The following SYNE2 variants were observed in gnomAD, a reference collection of about 807,000 sequenced individuals.
SYNE2 encodes nesprin-2.
A neutral mutation model predicts 856.3 loss-of-function variants in SYNE2; 431 were observed. The observed-to-expected ratio is 0.50, with a 90% CI of 0.47 to 0.55. The LOEUF (loss-of-function observed/expected upper bound fraction) is 0.55, where lower values mean the gene tolerates loss of function less well. SYNE2 is among the 20% of genes least tolerant of loss of function. SYNE2 has a pLI of 0.00. For missense variants in SYNE2, 8,129 were observed against 8,023.2 expected (o/e 1.01, Z -0.50); for synonymous variants, 2,923 against 2,872.3 (o/e 1.02, Z -0.56).
chr14:63,820,970 C>T (rs991660608), intron 1 of SYNE2, among the ~76,000 whole-genome samples: 21 of 151,986 alleles, frequency 1.4e-4, no homozygotes, highest in African/African-American at 4.8e-5. Flanking sequence ...AGGCTGGTTT[C>T]GAATTTCTAA....
rs763597479 is a variant in SYNE2 at position 64,212,860 on chromosome 14, T to C, written c.18911T>C (p.Ile6304Thr). 12 of 1,614,136 alleles carry C rather than the reference T, an allele frequency of 7.4e-6. No homozygotes were observed. The highest frequency in any genetic ancestry group is 3.4e-6 in the Non-Finnish European group (4 of 1,180,018). ...AATACCAACAAGATTGATCAGCTCA[T>C]TGTGTTTGGGGAGCAGCTGATTCAG... ...TLNTNKIDQL[I>T]VFGEQLIQKS... is the part of the protein sequence containing the mutation. Residue 6304 changes from isoleucine (I) to threonine (T), a missense_variant, in exon 105 of 116, where the codon ATT becomes ACT. Physicochemically the swap from Ile to Thr is moderately conservative, Grantham distance 89. Around this residue, in one of 3 missense-constraint regions of SYNE2, gnomAD observed 5,410 missense variants for 5,284.8 expected, o/e 1.02. Coordinates refer to ENST00000555002, the MANE Select transcript of SYNE2 (RefSeq NM_182914.3).
chr14:63,982,540 A>G (rs2096594391), intron 16 of SYNE2, 90 bp from the exon 17 acceptor site: 7 of 1,339,404 alleles, frequency 5.2e-6, no homozygotes, highest in Middle Eastern at 2.1e-4. Context: ...AAAAAAAAGA[A>G]AAGAAAAAAG....
rs976935211 is a variant in SYNE2, at chr14:64,188,579, C to T, written c.17742C>T (p.Asp5914=). The change falls in exon 98 of 116, where the codon GAC becomes GAT. Residue 5914 remains aspartate, a synonymous_variant. Coordinates refer to ENST00000555002, the MANE Select transcript of SYNE2 (RefSeq NM_182914.3). ...RVAIRKQEIE[D]RLNTWVVFNE... is the part of the protein sequence containing the mutation. The stretch of plus-strand genomic sequence containing the variant: ...CCATACGTAAACAGGAGATTGAAGA[C>T]AGACTCAATACATGGGTTGTATTCA... 1.9e-6 allele frequency: 3 copies of T among 1,614,112 alleles called. No homozygotes were observed. The highest frequency in any genetic ancestry group is 2.5e-6 in the Non-Finnish European group (3 of 1,180,024).
chr14:63,934,422 C>G (rs1261651589), intron 2 of SYNE2, among the ~76,000 whole-genome samples: 3 of 152,048 alleles, frequency 2.0e-5, no homozygotes, highest in Non-Finnish European at 4.4e-5. Context: ...ATTATGTGCT[C>G]CATTTGAACA....
Position 64,097,957 on chromosome 14 carries a change from C to T in SYNE2, c.12117C>T (p.Ile4039=), listed in dbSNP as rs141484654. The change falls in exon 62 of 116, where the codon ATC becomes ATT. Residue 4039 remains isoleucine (I), a synonymous_variant. Coordinates refer to ENST00000555002, the MANE Select transcript of SYNE2 (RefSeq NM_182914.3). ...ACACTCTTTCTACACAGGGAGAAAT[C>T]GAACGTATGGAGAAACAGATTCTGA... ...ADKLPQLQGE[I]ERMEKQILSL... 59 of 1,614,062 alleles carry T rather than the reference C, an allele frequency of 3.7e-5. No individual in the cohort carries two copies. Among genetic ancestry groups the T allele is most frequent in the African/African-American group, 1.9e-4 (14 of 74,946 alleles).
chr14:63,908,839 A>G (rs1464751669), intron 1 of SYNE2, among the ~76,000 whole-genome samples: 1 of 152,234 alleles, frequency 6.6e-6, no homozygotes, highest in Non-Finnish European at 1.5e-5. Context: ...CACCACTGGT[A>G]TAGAATCCAC....
rs778531213 is a variant in SYNE2 at position 64,052,482 on chromosome 14, A to T, written c.8569A>T (p.Ile2857Leu). 1 of 1,613,810 alleles carries T rather than the reference A, an allele frequency of 6.2e-7. No individual in the cohort carries two copies. The highest frequency in any genetic ancestry group is 8.5e-7 in the Non-Finnish European group (1 of 1,179,804). Residue 2857 changes from isoleucine (I) to leucine (L), a missense_variant, in exon 48 of 116, where the codon ATA (isoleucine) becomes TTA (leucine). Physicochemically the swap from Ile to Leu is conservative, Grantham distance 5 (BLOSUM62 2). Transcript: ENST00000555002. Reference protein sequence around the residue: ...QLMVQESETLIIPRVETAATE... With the variant: ...QLMVQESETLLIPRVETAATE... Reference sequence around the variant, plus strand: ...TATGGTTCAAGAAAGTGAAACACTGATAATTCCCAGGGTGGAGACAGCTGC... The same window carrying T: ...TATGGTTCAAGAAAGTGAAACACTGTTAATTCCCAGGGTGGAGACAGCTGC...
At chr14:64,131,363 A>G (rs2098018762) in intron 76 of SYNE2, among the ~76,000 whole-genome samples, 1 of 152,228 alleles carries the variant, frequency 6.6e-6, no homozygotes. Flanking sequence ...AGGTTCTTGA[A>G]GTTCAAATAC....
At chr14:63,859,411 TTTC>T (rs1204985033) in intron 1 of SYNE2, among the ~76,000 whole-genome samples, 1 of 152,176 alleles carries the variant, frequency 6.6e-6, no homozygotes, top group East Asian at 1.9e-4. Context: ...ATTTGTGACT[TTTC>T]TTCTTTTCTG....
At chr14:63,764,881 G>A (rs1306925884) in intron 1 of SYNE2, among the ~76,000 whole-genome samples, 2 of 152,124 alleles carry the variant, frequency 1.3e-5, no homozygotes, top group Admixed American at 6.6e-5. Context: ...TGGAGAGGTC[G>A]AGGTTACAGT....
In SYNE2 at chr14:64,218,645, A is replaced by G. The variant is rs2098678150; in HGVS notation, c.19657+133A>G. ...TGGGGGACTTACCCTACAACAACCA[A>G]TGTTATTTTTAAATCAGCGATTGGC... On this transcript the variant is annotated intron_variant, in intron 109 of 115. Transcript: ENST00000555002. 9.7e-6 allele frequency: 8 copies of G among 822,664 alleles called. No individual in the cohort carries two copies. In the South Asian group the frequency reaches 1.1e-4, roughly 11 times the overall value. The allele number at this position is 822,664 out of a possible 1,614,324, so 51.0% of individuals were successfully genotyped here. A position where few individuals can be genotyped will look rare whatever the true frequency, so the allele number is the denominator to read the frequency against.
At chr14:64,106,566 G>A (rs1200489324) in intron 64 of SYNE2, among the ~76,000 whole-genome samples, 5 of 152,092 alleles carry the variant, frequency 3.3e-5, no homozygotes, top group South Asian at 2.1e-4. Flanking sequence ...GGAGAAGGGC[G>A]TGAACCCAGG....
intron 99 of SYNE2, among the ~76,000 whole-genome samples, chr14:64,198,940 C>T (rs572897413): frequency 6.6e-6 from 1 of 152,320 alleles, no homozygotes; most frequent in South Asian, 2.1e-4. Flanking sequence ...GTCAACATTA[C>T]ATCTAAATTA....
At chr14:64,221,483 C>T in intron 111 of SYNE2, 93 bp from the exon 112 acceptor site, 2 of 1,612,134 alleles carry the variant, frequency 1.2e-6, no homozygotes, top group East Asian at 4.5e-5. Context: ...AAGCAAATGA[C>T]TGTGATGGAT....
intron 99 of SYNE2, among the ~76,000 whole-genome samples, chr14:64,199,713 CAAAA>C (rs34710996): frequency 1.5e-5 from 1 of 66,060 alleles, no homozygotes; most frequent in Non-Finnish European, 3.0e-5. Flanking sequence ...GACTCTGTCT[CAAAA>C]AAAAAAAAAA....
upstream of SYNE2, among the ~76,000 whole-genome samples, chr14:63,851,952 C>A (rs1476059116): frequency 8.7e-6 from 1 of 115,300 alleles, no homozygotes; most frequent in Non-Finnish European, 1.6e-5. Context: ...TGGTGTCGTG[C>A]GCCTGTGGTC....
At chr14:64,202,733 T>A in intron 99 of SYNE2, 68 bp from the exon 100 acceptor site, 1 of 1,603,070 alleles carries the variant, frequency 6.2e-7, no homozygotes, top group Non-Finnish European at 8.5e-7. Context: ...CACCACTAAG[T>A]ATTGGGCTTT....
Position 63,957,299 on chromosome 14 carries a change from C to T in SYNE2, c.787+2384C>T, listed in dbSNP as rs138196825. On this transcript the variant is annotated intron_variant, in intron 8 of 115. Coordinates refer to ENST00000555002, the MANE Select transcript of SYNE2 (RefSeq NM_182914.3). ...TTTTTTTTTTTTTGAGACAGGGTCT[C>T]GCTCAGTCTCCCAAGCTGGAGTGCA... 6.5e-3 allele frequency among the ~76,000 whole-genome samples: 898 copies of T among 138,116 alleles called. 5 individuals are homozygous for T. Among genetic ancestry groups the T allele is most frequent in the African/African-American group, 0.021 (764 of 36,992 alleles). 90.6% of individuals were successfully genotyped at this position (138,116 alleles called of 152,430 possible). A position where few individuals can be genotyped will look rare whatever the true frequency, so the allele number is the denominator to read the frequency against.
At chr14:63,841,872 G>T (rs1466468067) in intron 1 of SYNE2, among the ~76,000 whole-genome samples, 1 of 114,646 alleles carries the variant, frequency 8.7e-6, no homozygotes, top group African/African-American at 3.5e-5. Context: ...TCATTCTGTC[G>T]CCCAGGCTGG....
Sources: allele counts gnomAD v4.1 joint callset (sites outside exome capture counted in the v4.1 genomes callset), GRCh38; gene constraint gnomAD v4.1.1; regional missense constraint gnomAD v4.1.1; transcripts MANE v1.5; gene names NCBI Gene and HGNC (gene_info 2026-07-23, HGNC 2026-07-21).